The following BRAP variants were observed in gnomAD, a reference collection of about 807,000 sequenced individuals.
BRAP encodes BRCA1 associated protein, also known as BRCA1-associated protein.
In BRAP, 42 loss-of-function variants were observed where a neutral mutation model predicts 73.4. The observed-to-expected ratio is 0.57, with a 90% CI of 0.45 to 0.74. The LOEUF is 0.74. Ranked by LOEUF, BRAP falls within the 30% of genes least tolerant of loss-of-function variation. The probability of loss-of-function intolerance (pLI) is 0.00; values close to 1 mark genes in which losing one functional copy is unlikely to be tolerated. For synonymous variants in BRAP, 255 were observed against 267.4 expected (o/e 0.95, Z 0.45); for missense variants, 593 against 751.4 (o/e 0.79, Z 2.46).
At chr12:111,678,325 T>G (rs1357034678) in intron 4 of BRAP, among the ~76,000 whole-genome samples, 1 of 151,046 alleles carries the variant, frequency 6.6e-6, no homozygotes, top group East Asian at 2.0e-4. Context: ...TCAAAAAGTC[T>G]GGGAACCACC....
chr12:111,665,750 G>A lies in BRAP; in HGVS notation c.785C>T (p.Pro262Leu). 6.2e-7 allele frequency: 1 copy of A among 1,614,214 alleles called. No homozygotes were observed. Among genetic ancestry groups the A allele is most frequent in the Admixed American group, 1.7e-5 (1 of 60,010 alleles). The change falls in exon 6 of 12, where the codon CCC becomes CTC. Residue 262 changes from proline to leucine, a missense_variant. This residue lies in a region of BRAP where 304 missense variants were observed against 337.7 expected (regional missense o/e 0.90). Coordinates refer to ENST00000419234, the MANE Select transcript of BRAP (RefSeq NM_006768.5). This position sits in a 1 kb window ranked among gnomAD's most constrained non-coding sequence, Gnocchi z 4.3. ...GCGCTCCAGACACACCGTGCACTTG[G>A]GGAGTTCAGTCAGGTCCATCACTGG... ...SLPVMDLTEL[P>L]KCTVCLERMD...
chr12:111,664,556 A>G (rs1886868303), intron 6 of BRAP, among the ~76,000 whole-genome samples: 1 of 152,202 alleles, frequency 6.6e-6, no homozygotes, highest in Admixed American at 6.5e-5. Context: ...CAGCTAAATA[A>G]GCAGGGCAGT....
rs1887599030 is a variant in BRAP, at chr12:111,681,528, T to C, written c.443+109A>G. On this transcript the variant is annotated intron_variant, in intron 3 of 11. Coordinates refer to ENST00000419234, the MANE Select transcript of BRAP (RefSeq NM_006768.5). ...TACAACAGACAAAAGTATTATTATTTTGAAGCTTAAAATACCCACTTTCCT... is the reference window on the plus strand; with the variant it reads ...TACAACAGACAAAAGTATTATTATTCTGAAGCTTAAAATACCCACTTTCCT... The C allele has an allele frequency of 6.0e-6, 5 of 835,790 alleles. No individual in the cohort carries two copies. The Admixed American group carries it at 1.5e-4, about 25-fold the overall frequency. The allele number at this position is 835,790 out of a possible 1,614,324, so 51.8% of individuals were successfully genotyped here.
chr12:111,667,517 G>A (rs544468517), intron 5 of BRAP, among the ~76,000 whole-genome samples: 1 of 151,584 alleles, frequency 6.6e-6, no homozygotes, highest in South Asian at 2.1e-4. Flanking sequence ...TGGCCAAGAG[G>A]GTGAAACCCT....
In BRAP at chr12:111,647,894, A is replaced by C. The variant is rs1262771982; in HGVS notation, c.1415+2045T>G. Among the ~76,000 whole-genome samples the C allele has an allele frequency of 4.0e-5, 6 of 151,868 alleles. No homozygotes were observed. The South Asian group carries it at 1.2e-3, about 32-fold the overall frequency. On this transcript the variant is annotated intron_variant, in intron 11 of 11. Coordinates refer to ENST00000419234, the MANE Select transcript of BRAP (RefSeq NM_006768.5). ...AACAAGAGCGAAACTCCGTCTCAAA[A>C]AAAAAAAGAAAAAAAGAAAAAAAAA...
At chr12:111,651,714 T>G (rs1886333160) in intron 10 of BRAP, among the ~76,000 whole-genome samples, 1 of 141,326 alleles carries the variant, frequency 7.1e-6, no homozygotes, top group Non-Finnish European at 1.5e-5. Context: ...CTTGGCTCAC[T>G]ACAACCTCCA....
intron 11 of BRAP, among the ~76,000 whole-genome samples, chr12:111,647,323 G>T (rs1444376572): frequency 6.6e-6 from 1 of 152,052 alleles, no homozygotes; most frequent in East Asian, 1.9e-4. Flanking sequence ...CAATTAAACA[G>T]CATGCAGATG....
At position 111,644,211 on chromosome 12, in the gene BRAP, C is replaced by A; in HGVS notation, c.1767G>T (p.Lys589Asn). ...GTTGCTCTGAAGGTCACTTGCCCCTCTTGCTGCGGCCCTTCCTGGAGGGCA... is the reference window on the plus strand; with the variant it reads ...GTTGCTCTGAAGGTCACTTGCCCCTATTGCTGCGGCCCTTCCTGGAGGGCA... ...GKLPSRKGRS[K>N]RGK The change falls in exon 12 of 12, where the codon AAG becomes AAT. Residue 589 changes from lysine to asparagine, a missense_variant. By Grantham distance (94) the Lys-to-Asn change is moderately conservative. Transcript: ENST00000419234. 6.2e-7 allele frequency: 1 copy of A among 1,611,016 alleles called. No homozygotes were observed.
At chr12:111,651,635 CTTTTTTT>C (rs761275581) in intron 10 of BRAP, among the ~76,000 whole-genome samples, 2 of 124,980 alleles carry the variant, frequency 1.6e-5, no homozygotes, top group African/African-American at 3.0e-5. Flanking sequence ...GATTTCTTTT[CTTTTTTT>C]TTTTTTTTTT....
chr12:111,655,228 A>T (rs547499751), intron 10 of BRAP, among the ~76,000 whole-genome samples: 2 of 152,146 alleles, frequency 1.3e-5, no homozygotes, highest in African/African-American at 4.8e-5. Flanking sequence ...TTTAGCTCCC[A>T]AAGGCAGCGG....
chr12:111,645,484 A>T (rs1359953723), intron 11 of BRAP, among the ~76,000 whole-genome samples: 1 of 152,190 alleles, frequency 6.6e-6, no homozygotes, highest in Non-Finnish European at 1.5e-5. Context: ...TCAGTGGTTA[A>T]ATAGGTGCCT....
chr12:111,677,882 G>A lies in BRAP; in HGVS notation c.633+1269C>T, dbSNP rs150987459. ...TGTAAACAGAAAACATAATAACTGT[G>A]TACTCTCTTGCAGACAGAACTCCAC... On this transcript the variant is annotated intron_variant, in intron 4 of 11. Coordinates refer to ENST00000419234, the MANE Select transcript of BRAP (RefSeq NM_006768.5). Among the ~76,000 whole-genome samples the A allele has an allele frequency of 5.9e-5, 9 of 152,302 alleles. No individual in the cohort carries two copies. In the East Asian group the frequency reaches 1.5e-3, roughly 26 times the overall value.
intron 4 of BRAP, among the ~76,000 whole-genome samples, chr12:111,677,491 C>A (rs919765527): frequency 4.6e-5 from 7 of 152,152 alleles, no homozygotes; most frequent in African/African-American, 1.7e-4. Context: ...CATGTATCTC[C>A]CTCTGCAGTC....
At chr12:111,680,534 CA>C (rs11336940) in intron 3 of BRAP, among the ~76,000 whole-genome samples, 60,660 of 129,986 alleles carry the variant, frequency 0.47, 15,851 homozygotes, top group East Asian at 0.94. Flanking sequence ...CCATCTCTGC[CA>C]AAAAAAAAAA....
At chr12:111,666,570 G>A (rs57296855) in intron 5 of BRAP, among the ~76,000 whole-genome samples, 2,353 of 152,258 alleles carry the variant, frequency 0.015, 72 homozygotes, top group African/African-American at 0.053. Flanking sequence ...TGCCCCCACA[G>A]AGTTTAGAAT....
intron 5 of BRAP, among the ~76,000 whole-genome samples, chr12:111,667,775 C>A (rs1456651954): frequency 6.7e-6 from 1 of 150,166 alleles, no homozygotes. Flanking sequence ...ATACAAATCT[C>A]ACAAAGTATA....
intron 11 of BRAP, among the ~76,000 whole-genome samples, chr12:111,644,764 AT>A (rs975611189): frequency 6.6e-6 from 1 of 151,162 alleles, no homozygotes. Context: ...ACACAAGTGT[AT>A]TTTTTTTTGA....
At chr12:111,649,893 T>A (rs1197395126) in intron 11 of BRAP, 46 bp downstream of exon 11, 2 of 1,329,778 alleles carry the variant, frequency 1.5e-6, no homozygotes, top group African/African-American at 3.0e-5. Flanking sequence ...AAAGAAACTG[T>A]CTGTTTATAG....
rs912725317 is a variant in BRAP at position 111,644,077 on chromosome 12, A to C, written c.*122T>G. On this transcript the variant is annotated 3_prime_UTR_variant, in exon 12 of 12. Coordinates refer to ENST00000419234, the MANE Select transcript of BRAP (RefSeq NM_006768.5). ...ACACACTAGCAAATGAAAGAGCCAA[A>C]CAACTGTGGCTTGATCCTCACTTGT... is the stretch of plus-strand genomic sequence containing the variant. The C allele has an allele frequency of 7.9e-6, 11 of 1,397,680 alleles. No homozygotes were observed. The African/African-American group carries it at 1.6e-4, about 20-fold the overall frequency. The allele number at this position is 1,397,680 out of a possible 1,614,324, so 86.6% of individuals were successfully genotyped here. A position where few individuals can be genotyped will look rare whatever the true frequency, so the allele number is the denominator to read the frequency against.
Sources: gnomAD v4.1 joint callset for allele counts (sites outside exome capture counted in the v4.1 genomes callset) on GRCh38, gnomAD v4.1.1 for gene constraint, gnomAD v4.1.1 regional missense constraint, Gnocchi (gnomAD v3.1) non-coding constraint, MANE v1.5 for transcripts, NCBI Gene and HGNC (gene_info 2026-07-23, HGNC 2026-07-21) for gene names.